PCDHGB5: variants seen among roughly 807,000 people sequenced by gnomAD.
The protein encoded by PCDHGB5 is protocadherin gamma subfamily B, 5.
In PCDHGB5, 48 loss-of-function variants were observed where a neutral mutation model predicts 62.9. The ratio of observed to expected loss-of-function variants is 0.76; its 90% CI spans 0.61 to 0.97. PCDHGB5 has a LOEUF of 0.97. PCDHGB5 is among the 50% of genes least tolerant of loss of function. The pLI, the probability that PCDHGB5 is intolerant of heterozygous loss-of-function variation, is 0.00. For synonymous variants in PCDHGB5, 474 were observed against 511.2 expected, an observed-to-expected ratio of 0.93 and a Z score of 0.98; for missense variants, 1,118 against 1,198.6, an observed-to-expected ratio of 0.93 and a Z score of 0.99.
At chr5:141,407,958 A>C (rs1018466165) in intron 1 of PCDHGB5, 1 of 660,632 alleles carries the variant, frequency 1.5e-6, no homozygotes, top group African/African-American at 1.8e-5. Context: ...GCCAGTGCAG[A>C]GCAAGCGCTG....
intron 1 of PCDHGB5, among the ~76,000 whole-genome samples, chr5:141,468,952 G>GTT (rs34870721): frequency 3.3e-5 from 5 of 151,198 alleles, no homozygotes; most frequent in Admixed American, 6.6e-5. Flanking sequence ...TAAACCTGTG[G>GTT]TTTTTTTTAC....
chr5:141,407,808 C>T (rs1182707356), intron 1 of PCDHGB5, among the ~76,000 whole-genome samples: 1 of 152,136 alleles, frequency 6.6e-6, no homozygotes, highest in Non-Finnish European at 1.5e-5. Context: ...ATAGAAATAT[C>T]TACTATAATA....
chr5:141,467,162 C>T (rs765574629), intron 1 of PCDHGB5, among the ~76,000 whole-genome samples: 1 of 151,724 alleles, frequency 6.6e-6, no homozygotes, highest in Non-Finnish European at 1.5e-5. Flanking sequence ...AAGTGATTCT[C>T]ATCTCTCAGC....
chr5:141,490,933 C>T lies in PCDHGB5; in HGVS notation c.2398-3874C>T, dbSNP rs781291690. ...CGAGAATGATAATGCCCCAGCTGTG[C>T]TGCACCCACGGCCAGACTGGGAACA... On this transcript the variant is annotated intron_variant, in intron 1 of 3. Transcript: ENST00000617380. The surrounding 1 kb of genome is among the most constrained non-coding windows in gnomAD (Gnocchi z 5.4). 5.0e-6 allele frequency: 8 copies of T among 1,613,702 alleles called. No individual in the cohort carries two copies. The highest frequency in any genetic ancestry group is 5.9e-6 in the Non-Finnish European group (7 of 1,179,770).
At chr5:141,403,773 AC>A (rs2094454199) in intron 1 of PCDHGB5, 1 of 1,613,838 alleles carries the variant, frequency 6.2e-7, no homozygotes, top group South Asian at 1.1e-5. Flanking sequence ...GAGGGAATCA[AC>A]GGAAAAGTGG....
At chr5:141,502,815 TTTCC>T in intron 2 of PCDHGB5, among the ~76,000 whole-genome samples, 1 of 151,372 alleles carries the variant, frequency 6.6e-6, no homozygotes, top group East Asian at 1.9e-4. Context: ...TTCACTGTCT[TTTCC>T]TTGGGGAAGC....
At chr5:141,449,667 G>A (rs540415333) in intron 1 of PCDHGB5, among the ~76,000 whole-genome samples, 1 of 150,824 alleles carries the variant, frequency 6.6e-6, no homozygotes, top group South Asian at 2.1e-4. Context: ...ACACCCAAGT[G>A]TGTATGTATA....
chr5:141,399,283 G>A lies in PCDHGB5; in HGVS notation c.1156G>A (p.Val386Ile). ...GEVNCQLQGEVPFKIISSSKN... is the reference protein window; with the variant it reads ...GEVNCQLQGEIPFKIISSSKN... ...GGTTAATTGTCAATTACAAGGCGAA[G>A]TCCCTTTTAAGATTATCTCTTCATC... Residue 386 changes from valine to isoleucine, a missense_variant, in exon 1 of 4, where the codon GTC (valine) becomes ATC (isoleucine). Transcript: ENST00000617380. 2 of 1,613,888 alleles carry A rather than the reference G, an allele frequency of 1.2e-6. No homozygotes were observed. The highest frequency in any genetic ancestry group is 1.7e-6 in the Non-Finnish European group (2 of 1,179,822).
chr5:141,473,260 G>T (rs2099318007), intron 1 of PCDHGB5, among the ~76,000 whole-genome samples: 1 of 152,148 alleles, frequency 6.6e-6, no homozygotes, highest in South Asian at 2.1e-4. Flanking sequence ...ATAGTCCTTA[G>T]TGTATGCTAT....
chr5:141,409,082 T>C (rs1332697516), intron 1 of PCDHGB5: 6 of 1,613,878 alleles, frequency 3.7e-6, no homozygotes, highest in African/African-American at 1.3e-5. Context: ...TATGTTCTCA[T>C]TGGATGAGAA....
intron 2 of PCDHGB5, among the ~76,000 whole-genome samples, chr5:141,498,971 G>GGGAAGGAAGGAAGGAAGGAAGGAAGGAA (rs201769957): frequency 9.0e-6 from 1 of 110,972 alleles, no homozygotes; most frequent in Non-Finnish European, 1.8e-5. Flanking sequence ...GAGGGAGGGA[G>GGGAAGGAAGGAAGGAAGGAAGGAAGGAA]GGAAGGAAGG....
chr5:141,438,591 CATATATATATAT>C lies in PCDHGB5; in HGVS notation c.2397+38101_2397+38112del, dbSNP rs946798767. ...TCTGATATACATACATACATACATACATATATATATATATATATATATATATATATATATATA... is the reference window on the plus strand; with the variant it reads ...TCTGATATACATACATACATACATACATATATATATATATATATATATATA... On this transcript the variant is annotated intron_variant, in intron 1 of 3. Coordinates refer to ENST00000617380, the MANE Select transcript of PCDHGB5 (RefSeq NM_018925.3). Among the ~76,000 whole-genome samples the C allele has an allele frequency of 1.5e-4, 11 of 75,568 alleles. No homozygotes were observed. The East Asian group carries it at 2.8e-3, about 19-fold the overall frequency. The allele number at this position is 75,568 out of a possible 152,430, so 49.6% of individuals were successfully genotyped here.
intron 1 of PCDHGB5, chr5:141,415,308 C>A: frequency 6.2e-7 from 1 of 1,614,236 alleles, no homozygotes; most frequent in Non-Finnish European, 8.5e-7. Context: ...TCCTGGCCTT[C>A]GTCATCGTGC....
intron 1 of PCDHGB5, among the ~76,000 whole-genome samples, chr5:141,434,605 T>C (rs1448149059): frequency 6.6e-6 from 1 of 152,198 alleles, no homozygotes; most frequent in Non-Finnish European, 1.5e-5. Context: ...ATCCCTTTAT[T>C]TCCGCCCATC....
chr5:141,452,652 C>T (rs1420422511), intron 1 of PCDHGB5, among the ~76,000 whole-genome samples: 1 of 151,916 alleles, frequency 6.6e-6, no homozygotes. Flanking sequence ...TCATTTGCTC[C>T]ATCCACTGCA....
Position 141,491,302 on chromosome 5 carries a change from T to TC in PCDHGB5, c.2398-3504dup. The TC allele has an allele frequency of 6.2e-7, 1 of 1,614,126 alleles. No individual in the cohort carries two copies. Among genetic ancestry groups the TC allele is most frequent in the Non-Finnish European group, 8.5e-7 (1 of 1,180,000 alleles). On this transcript the variant is annotated intron_variant, in intron 1 of 3. Transcript: ENST00000617380. The surrounding 1 kb of genome is among the most constrained non-coding windows in gnomAD (Gnocchi z 6.9). ...CTTCCTCATACACCCTCCTGAGCGT[T>TC]CAGACCTTACCCTTTACCTCATTGT... is the stretch of plus-strand genomic sequence containing the variant.
At chr5:141,481,860 G>A (rs1379910129) in intron 1 of PCDHGB5, among the ~76,000 whole-genome samples, 1 of 148,492 alleles carries the variant, frequency 6.7e-6, no homozygotes, top group Non-Finnish European at 1.5e-5. Context: ...GTTGCAGTGA[G>A]CCGAGATCGC....
Position 141,485,220 on chromosome 5 carries a change from C to T in PCDHGB5, c.2398-9587C>T. The T allele has an allele frequency of 6.2e-7, 1 of 1,614,192 alleles. No homozygotes were observed. The highest frequency in any genetic ancestry group is 8.5e-7 in the Non-Finnish European group (1 of 1,180,024). On this transcript the variant is annotated intron_variant, in intron 1 of 3. Transcript: ENST00000617380. This position sits in a 1 kb window ranked among gnomAD's most constrained non-coding sequence, Gnocchi z 5.7. ...TGGACAGAAATCTGGCGGTGGGCTA[C>T]CCTTTTGTTCCTCTTTTACCACCTG... is the stretch of plus-strand genomic sequence containing the variant.
chr5:141,464,328 C>T (rs2099081878), intron 1 of PCDHGB5, among the ~76,000 whole-genome samples: 1 of 150,722 alleles, frequency 6.6e-6, no homozygotes, highest in Admixed American at 6.6e-5. Context: ...CTGTTCAACC[C>T]ATCTATGACT....
Sources: gnomAD v4.1 joint callset for allele counts (sites outside exome capture counted in the v4.1 genomes callset) on GRCh38, gnomAD v4.1.1 for gene constraint, Gnocchi (gnomAD v3.1) non-coding constraint, MANE v1.5 for transcripts, NCBI Gene and HGNC (gene_info 2026-07-23, HGNC 2026-07-21) for gene names.